Variants in CHCT1 observed in about 807,000 individuals in gnomAD.
CHCT1 encodes CHD1 helical C-terminal domain containing protein 1.
the CHCT1 span, among the ~76,000 whole-genome samples, chr17:60,427,342 G>A: frequency 1.3e-5 from 2 of 152,184 alleles, no homozygotes; most frequent in Admixed American, 1.3e-4. Flanking sequence ...TCCAAGTATT[G>A]CTATGGCAAT....
At chr17:60,425,803 G>A in the CHCT1 span, 3 of 1,551,378 alleles carry the variant, frequency 1.9e-6, no homozygotes. Context: ...TGTCATGCCT[G>A]GAGACAAGCT....
chr17:60,428,558 G>T, the CHCT1 span, among the ~76,000 whole-genome samples: 1 of 150,740 alleles, frequency 6.6e-6, no homozygotes, highest in African/African-American at 2.4e-5. Context: ...TGAGATCTTG[G>T]CTCACCACAA....
At chr17:60,425,229 T>C in the CHCT1 span, among the ~76,000 whole-genome samples, 164 of 152,320 alleles carry the variant, frequency 1.1e-3, no homozygotes, top group African/African-American at 3.0e-3. Context: ...CAATAAACTC[T>C]TTCTCACAGT....
At chr17:60,422,688 G>T in the CHCT1 span, 21 of 1,506,498 alleles carry the variant, frequency 1.4e-5, no homozygotes, top group Non-Finnish European at 1.9e-5. Context: ...GTCCCGGAGG[G>T]GCTGGTTTTG....
the CHCT1 span, chr17:60,426,127 C>T: frequency 6.5e-7 from 1 of 1,545,612 alleles, no homozygotes; most frequent in East Asian, 2.4e-5. Context: ...TTCTTTTCTC[C>T]CATGGCCCCT....
the CHCT1 span, chr17:60,421,299 T>C: frequency 1.1e-6 from 1 of 895,812 alleles, no homozygotes; most frequent in Non-Finnish European, 1.3e-6. Context: ...CATGCTGGCA[T>C]AGAGGACAAG....
At chr17:60,423,021 T>C in the CHCT1 span, among the ~76,000 whole-genome samples, 629 of 152,214 alleles carry the variant, frequency 4.1e-3, 2 homozygotes, top group Non-Finnish European at 6.1e-3. Context: ...CCCCCTGGCC[T>C]TTCCCTTCAG....
the CHCT1 span, chr17:60,422,402 AC>A: frequency 7.1e-7 from 1 of 1,403,818 alleles, no homozygotes; most frequent in Non-Finnish European, 9.5e-7. Context: ...AGCTGCAGCC[AC>A]CCCTAAGAAT....
chr17:60,431,265 A>T, the CHCT1 span: 65 of 1,598,142 alleles, frequency 4.1e-5, no homozygotes, highest in Admixed American at 1.2e-4. Flanking sequence ...ACTGAACCGT[A>T]AGAAGACCAA....
the CHCT1 span, chr17:60,429,343 C>T: frequency 6.2e-7 from 1 of 1,608,858 alleles, no homozygotes; most frequent in Non-Finnish European, 8.5e-7. Context: ...CTCTCCTTAA[C>T]ACGGAGGCTC....
the CHCT1 span, among the ~76,000 whole-genome samples, chr17:60,428,223 G>C: frequency 3.2e-4 from 48 of 152,294 alleles, no homozygotes; most frequent in African/African-American, 1.1e-3. Flanking sequence ...CAAATACAGG[G>C]AAGTAAGGTA....
chr17:60,421,766 C>A, the CHCT1 span: 2 of 893,484 alleles, frequency 2.2e-6, no homozygotes, highest in Non-Finnish European at 2.7e-6. Context: ...CGCCCTCGGC[C>A]TCGGGTCCCT....
At chr17:60,427,343 C>T in the CHCT1 span, among the ~76,000 whole-genome samples, 1 of 152,134 alleles carries the variant, frequency 6.6e-6, no homozygotes, top group Non-Finnish European at 1.5e-5. Context: ...CCAAGTATTG[C>T]TATGGCAATG....
chr17:60,425,847 G>A, the CHCT1 span: 13 of 1,551,756 alleles, frequency 8.4e-6, no homozygotes, highest in East Asian at 4.9e-5. Context: ...TCGCTCATGC[G>A]CCATGCCAAG....
chr17:60,422,360 G>T, the CHCT1 span: 1 of 1,113,716 alleles, frequency 9.0e-7, no homozygotes, highest in Non-Finnish European at 1.2e-6. Context: ...ATCTTGCTCC[G>T]TTCCCTAGTC....
the CHCT1 span, chr17:60,429,424 G>T: frequency 0.018 from 28,515 of 1,614,160 alleles, 4,234 homozygotes; most frequent in African/African-American, 0.33. Context: ...AAGACAGTCT[G>T]CCCAAGCTCT....
the CHCT1 span, chr17:60,421,537 C>T: frequency 5.1e-6 from 5 of 985,352 alleles, no homozygotes; most frequent in South Asian, 1.9e-4. Context: ...AAGGAAGGTC[C>T]GGGAGAAGGA....
At chr17:60,423,475 G>C in the CHCT1 span, among the ~76,000 whole-genome samples, 1 of 151,630 alleles carries the variant, frequency 6.6e-6, no homozygotes, top group Non-Finnish European at 1.5e-5. Flanking sequence ...TTACAGGTGT[G>C]AGCCACTGTG....
the CHCT1 span, chr17:60,429,598 A>T: frequency 6.3e-7 from 1 of 1,585,700 alleles, no homozygotes; most frequent in Admixed American, 1.7e-5. Context: ...TGGACCCAGG[A>T]GTTTGTGAGT....
Sources: allele counts gnomAD v4.1 joint callset (sites outside exome capture counted in the v4.1 genomes callset), GRCh38; gene constraint gnomAD v4.1.1; transcripts MANE v1.5; gene names NCBI Gene and HGNC (gene_info 2026-07-23, HGNC 2026-07-21).